The following TMPRSS11F variants were observed in gnomAD, a reference collection of about 807,000 sequenced individuals.
TMPRSS11F encodes transmembrane serine protease 11F, also known as transmembrane protease serine 11F.
TMPRSS11F carries 47 observed loss-of-function variants against 60.2 expected under a neutral mutation model. That is an observed-to-expected ratio of 0.78 (90% CI 0.62 to 1.00). The LOEUF (loss-of-function observed/expected upper bound fraction) is 1.00, where lower values mean the gene tolerates loss of function less well. Ranked by LOEUF, TMPRSS11F falls within the 50% of genes least tolerant of loss-of-function variation. TMPRSS11F has a pLI of 0.00. For synonymous variants in TMPRSS11F, 166 were observed against 167.3 expected, an observed-to-expected ratio of 0.99 and a Z score of 0.06; for missense variants, 519 against 522.9, an observed-to-expected ratio of 0.99 and a Z score of 0.07.
chr4:68,054,746 A>T (rs926762756), intron 9 of TMPRSS11F, among the ~76,000 whole-genome samples: 1 of 152,112 alleles, frequency 6.6e-6, no homozygotes, highest in South Asian at 2.1e-4. Context: ...TTAATTAACT[A>T]TTTATTGAGT....
At chr4:68,073,388 G>A (rs571766528) in intron 4 of TMPRSS11F, among the ~76,000 whole-genome samples, 11 of 151,728 alleles carry the variant, frequency 7.2e-5, no homozygotes, top group African/African-American at 2.4e-4. Context: ...TTTAATTTGA[G>A]AGATAAAAGA....
At chr4:68,105,947 A>T (rs1724295603) in intron 1 of TMPRSS11F, among the ~76,000 whole-genome samples, 1 of 152,162 alleles carries the variant, frequency 6.6e-6, no homozygotes, top group Non-Finnish European at 1.5e-5. Flanking sequence ...AAGGTAAAAA[A>T]ACACAGAATA....
In TMPRSS11F at chr4:68,057,136, C is replaced by T. The variant is rs138350200; in HGVS notation, c.1158+2190G>A. 1.7e-3 allele frequency among the ~76,000 whole-genome samples: 254 copies of T among 151,734 alleles called. 2 individuals are homozygous for T. Among genetic ancestry groups the T allele is most frequent in the African/African-American group, 6.0e-3 (248 of 41,420 alleles). ...CTCATCTTTACTGAAAATATAAAAA[C>T]TAGCCAGGCATGGTGGCACATGCCT... On this transcript the variant is annotated intron_variant, in intron 9 of 9. Transcript: ENST00000356291.
At chr4:68,099,159 C>T in intron 1 of TMPRSS11F, 121 bp from the exon 2 acceptor site, 4 of 798,190 alleles carry the variant, frequency 5.0e-6, no homozygotes, top group Non-Finnish European at 7.5e-6. Context: ...GCAACTTAGA[C>T]CTTGAAAAGA....
rs537964224 is a variant in TMPRSS11F, at chr4:68,072,256, A to G, written c.514+67T>C. On this transcript the variant is annotated intron_variant, in intron 5 of 9. Transcript: ENST00000356291. ...ATATATATATATATATATATTGCTT[A>G]CAAAAATTAAAGAGGGTTGTAAGAG... The G allele has an allele frequency of 1.5e-3, 361 of 240,924 alleles. 4 individuals carry two copies. In the African/African-American group the frequency reaches 0.016, roughly 11 times the overall value. The allele number at this position is 240,924 out of a possible 1,614,324, so 14.9% of individuals were successfully genotyped here. A position where few individuals can be genotyped will look rare whatever the true frequency, so the allele number is the denominator to read the frequency against.
rs542046439 is a variant in TMPRSS11F at position 68,093,734 on chromosome 4, C to T, written c.164-3093G>A. On this transcript the variant is annotated intron_variant, in intron 2 of 9. Transcript: ENST00000356291. ...ACAAACAACCCCATCAAAAAGTGGGCGAAGGACATGAACAGACACATCTCA... is the reference window on the plus strand; with the variant it reads ...ACAAACAACCCCATCAAAAAGTGGGTGAAGGACATGAACAGACACATCTCA... Among the ~76,000 whole-genome samples, 59 of 151,766 alleles carry T rather than the reference C, an allele frequency of 3.9e-4. 1 individual carries two copies. Among genetic ancestry groups the T allele is most frequent in the South Asian group, 2.1e-3 (10 of 4,798 alleles).
intron 8 of TMPRSS11F, chr4:68,063,167 C>T (rs1723238314): frequency 1.7e-6 from 1 of 605,014 alleles, no homozygotes; most frequent in African/African-American, 1.8e-5. Context: ...GGATAATAAA[C>T]ACCCAAACAG....
intron 1 of TMPRSS11F, among the ~76,000 whole-genome samples, chr4:68,102,973 A>T (rs1577930275): frequency 1.6e-5 from 2 of 123,948 alleles, no homozygotes; most frequent in African/African-American, 5.6e-5. Flanking sequence ...TCTTTTATCC[A>T]ATTTTGAGTT....
At chr4:68,117,923 G>A (rs575917094) in intron 1 of TMPRSS11F, among the ~76,000 whole-genome samples, 7 of 152,252 alleles carry the variant, frequency 4.6e-5, no homozygotes, top group African/African-American at 1.7e-4. Context: ...GGAAATTGTT[G>A]AGAAATACTT....
chr4:68,055,556 AG>A (rs1333304081), intron 9 of TMPRSS11F, among the ~76,000 whole-genome samples: 1 of 152,178 alleles, frequency 6.6e-6, no homozygotes, highest in African/African-American at 2.4e-5. Context: ...ATCAATAATA[AG>A]TAAGAATACT....
At chr4:68,097,293 C>A (rs1241346021) in intron 2 of TMPRSS11F, among the ~76,000 whole-genome samples, 2 of 152,162 alleles carry the variant, frequency 1.3e-5, no homozygotes, top group African/African-American at 2.4e-5. Context: ...AAGCTAAAAT[C>A]AAAAAGTTGG....
chr4:68,117,753 C>T (rs2109886326), intron 1 of TMPRSS11F, among the ~76,000 whole-genome samples: 1 of 152,054 alleles, frequency 6.6e-6, no homozygotes, highest in East Asian at 1.9e-4. Context: ...CTATTAATTA[C>T]CATTGATACT....
At chr4:68,115,356 CAAAAAAAAAAAAAA>C (rs57550471) in intron 1 of TMPRSS11F, among the ~76,000 whole-genome samples, 4 of 74,690 alleles carry the variant, frequency 5.4e-5, no homozygotes, top group South Asian at 5.0e-4. Flanking sequence ...GACACCATCT[CAAAAAAAAAAAAAA>C]AAAAAAAAAA....
At chr4:68,079,476 G>A (rs367956039) in intron 3 of TMPRSS11F, among the ~76,000 whole-genome samples, 1 of 152,190 alleles carries the variant, frequency 6.6e-6, no homozygotes. Context: ...AATCTCCTAA[G>A]AGATAATCTC....
chr4:68,090,726 G>T (rs1427992320), intron 2 of TMPRSS11F, 85 bp from the exon 3 acceptor site: 2 of 1,511,556 alleles, frequency 1.3e-6, no homozygotes, highest in Non-Finnish European at 1.8e-6. Flanking sequence ...CTGCTAAATA[G>T]GCTACAATAA....
chr4:68,091,154 T>TA (rs1170554604), intron 2 of TMPRSS11F, among the ~76,000 whole-genome samples: 1 of 152,162 alleles, frequency 6.6e-6, no homozygotes, highest in Non-Finnish European at 1.5e-5. Flanking sequence ...AACACACCAC[T>TA]AAAGCTGTCT....
At chr4:68,076,783 C>G (rs1723592858) in intron 3 of TMPRSS11F, among the ~76,000 whole-genome samples, 1 of 152,190 alleles carries the variant, frequency 6.6e-6, no homozygotes, top group South Asian at 2.1e-4. Flanking sequence ...CTCATGACTC[C>G]ACCAAAGGTA....
At chr4:68,087,145 C>G (rs1416274328) in intron 3 of TMPRSS11F, among the ~76,000 whole-genome samples, 1 of 152,152 alleles carries the variant, frequency 6.6e-6, no homozygotes, top group Non-Finnish European at 1.5e-5. Context: ...CAAACCAAAT[C>G]TAGCTGCACG....
intron 3 of TMPRSS11F, among the ~76,000 whole-genome samples, chr4:68,081,968 C>T (rs996489626): frequency 5.3e-5 from 8 of 152,140 alleles, no homozygotes; most frequent in South Asian, 2.1e-4. Flanking sequence ...AGTGGCAAGA[C>T]GGCTGCCCAG....
Sources: allele counts gnomAD v4.1 joint callset (sites outside exome capture counted in the v4.1 genomes callset), GRCh38; gene constraint gnomAD v4.1.1; transcripts MANE v1.5; gene names NCBI Gene and HGNC (gene_info 2026-07-23, HGNC 2026-07-21).